The following NUFIP1 variants were observed in gnomAD, a reference collection of about 807,000 sequenced individuals.
NUFIP1 encodes the protein nuclear FMR1 interacting protein 1.
A neutral mutation model predicts 56.2 loss-of-function variants in NUFIP1; 38 were observed. That is an observed-to-expected ratio of 0.68 (90% CI 0.52 to 0.89). NUFIP1 has a LOEUF of 0.89. Among genes scored for constraint, NUFIP1 ranks in the 40% least tolerant of loss-of-function variants. The pLI is 0.00. For synonymous variants in NUFIP1, 215 were observed against 212.4 expected (o/e 1.01, Z -0.10); for missense variants, 567 against 605.8 (o/e 0.94, Z 0.67).
intron 5 of NUFIP1, among the ~76,000 whole-genome samples, chr13:44,968,801 C>CT (rs1396738156): frequency 6.6e-6 from 1 of 152,102 alleles, no homozygotes; most frequent in African/African-American, 2.4e-5. Context: ...GTACTACGTA[C>CT]CAGAGAGCAG....
chr13:44,979,936 C>G lies in NUFIP1; in HGVS notation c.611G>C (p.Cys204Ser), dbSNP rs1471114301. ...SEHTKCPELD[C>S]SFTAHEKIVQ... ...AATCTTCTCGTGTGCAGTAAAAGAG[C>G]AATCTAATTCAGGGCACTATGAGTT... The change falls in exon 4 of 10, where the codon TGC becomes TCC. Residue 204 changes from cysteine to serine, a missense_variant. Coordinates refer to ENST00000379161, the MANE Select transcript of NUFIP1 (RefSeq NM_012345.3). The G allele has an allele frequency of 6.3e-7, 1 of 1,599,792 alleles. No individual in the cohort carries two copies. Among genetic ancestry groups the G allele is most frequent in the South Asian group, 1.1e-5 (1 of 87,090 alleles).
chr13:44,986,535 C>T (rs1253409116), intron 1 of NUFIP1, among the ~76,000 whole-genome samples: 1 of 151,676 alleles, frequency 6.6e-6, no homozygotes, highest in African/African-American at 2.4e-5. Context: ...ACTAAAAATA[C>T]AAAAAAATCA....
chr13:44,958,875 T>C (rs1402347616), intron 7 of NUFIP1, among the ~76,000 whole-genome samples: 4 of 152,234 alleles, frequency 2.6e-5, no homozygotes, highest in African/African-American at 9.7e-5. Flanking sequence ...TTGCCCTATA[T>C]GTTTTAGAGG....
At chr13:44,964,211 C>A (rs1456145870) in intron 6 of NUFIP1, among the ~76,000 whole-genome samples, 1 of 152,040 alleles carries the variant, frequency 6.6e-6, no homozygotes, top group Non-Finnish European at 1.5e-5. Context: ...ACACACAGCA[C>A]TGACCATAAA....
At chr13:44,947,170 C>G (rs371864541) in intron 8 of NUFIP1, among the ~76,000 whole-genome samples, 2 of 150,722 alleles carry the variant, frequency 1.3e-5, no homozygotes, top group African/African-American at 4.9e-5. Context: ...TTGGCTTCTT[C>G]GGACTTTTAA....
chr13:44,942,923 G>C (rs149855583), intron 9 of NUFIP1, among the ~76,000 whole-genome samples: 4 of 146,500 alleles, frequency 2.7e-5, no homozygotes, highest in Non-Finnish European at 5.9e-5. Context: ...CTATGATCAC[G>C]CCACTACACT....
chr13:44,981,921 T>TCATGTTTAATATAAAACATAAAA, intron 2 of NUFIP1, 151 bp downstream of exon 2: 1 of 379,576 alleles, frequency 2.6e-6, no homozygotes, highest in Non-Finnish European at 4.8e-6. Flanking sequence ...TTTGCTATAT[T>TCATGTTTAATATAAAACATAAAA]CATGTTTAAC....
intron 7 of NUFIP1, among the ~76,000 whole-genome samples, chr13:44,956,141 CAAAAAAA>C (rs371458350): frequency 6.5e-5 from 4 of 61,484 alleles, no homozygotes; most frequent in South Asian, 5.6e-4. Context: ...GACTCCGTCT[CAAAAAAA>C]AAAAAAAAAA....
Position 44,959,475 on chromosome 13 carries a change from G to C in NUFIP1, c.927C>G (p.Val309=). ...CACACAAGTGACTGCCTGATCCAGT[G>C]ACTGCTCTCTGTCTAGAATTGTCGT... ...WKNDNSRQRA[V]TGSGSHLCDL... is the part of the protein sequence containing the mutation. The change falls in exon 7 of 10, where the codon GTC becomes GTG. Residue 309 remains valine, a synonymous_variant. Coordinates refer to ENST00000379161, the MANE Select transcript of NUFIP1 (RefSeq NM_012345.3). The C allele has an allele frequency of 1.9e-6, 3 of 1,614,068 alleles. No homozygotes were observed. Among genetic ancestry groups the C allele is most frequent in the Non-Finnish European group, 2.5e-6 (3 of 1,179,966 alleles).
At chr13:44,964,612 A>G (rs1338381700) in intron 6 of NUFIP1, among the ~76,000 whole-genome samples, 1 of 152,176 alleles carries the variant, frequency 6.6e-6, no homozygotes, top group Non-Finnish European at 1.5e-5. Flanking sequence ...AGAGGAAAAA[A>G]CTACAGAAAG....
intron 7 of NUFIP1, among the ~76,000 whole-genome samples, chr13:44,952,341 T>C (rs1871110724): frequency 6.6e-6 from 1 of 152,180 alleles, no homozygotes; most frequent in Admixed American, 6.5e-5. Flanking sequence ...GCCAGGCTGG[T>C]CTCGAACTCC....
chr13:44,949,104 A>G (rs1870992709), intron 8 of NUFIP1, among the ~76,000 whole-genome samples: 1 of 152,218 alleles, frequency 6.6e-6, no homozygotes, highest in Non-Finnish European at 1.5e-5. Context: ...AGCAGAGAGA[A>G]AAAAATGAAT....
chr13:44,943,374 A>ACACC (rs1870809869), intron 9 of NUFIP1, 68 bp downstream of exon 9: 8 of 1,308,640 alleles, frequency 6.1e-6, no homozygotes, highest in Non-Finnish European at 8.7e-6. Flanking sequence ...ACACACACAC[A>ACACC]CACCCCAGTG....
intron 1 of NUFIP1, 118 bp from the exon 2 acceptor site, chr13:44,982,272 T>C (rs1872221709): frequency 2.4e-6 from 1 of 424,920 alleles, no homozygotes; most frequent in African/African-American, 2.0e-5. Flanking sequence ...AAACTACCCT[T>C]CTAGGAAGAA....
At chr13:44,984,700 C>T (rs1271927280) in intron 1 of NUFIP1, among the ~76,000 whole-genome samples, 1 of 151,842 alleles carries the variant, frequency 6.6e-6, no homozygotes, top group African/African-American at 2.4e-5. Flanking sequence ...CAGTTTAATG[C>T]AGAATTGAAT....
At chr13:44,965,361 T>C (rs1225016365) in intron 6 of NUFIP1, among the ~76,000 whole-genome samples, 2 of 152,222 alleles carry the variant, frequency 1.3e-5, no homozygotes, top group Non-Finnish European at 1.5e-5. Flanking sequence ...GAAAATGGAC[T>C]AATACAGCAC....
At chr13:44,962,453 A>C (rs565171502) in intron 6 of NUFIP1, among the ~76,000 whole-genome samples, 2 of 152,340 alleles carry the variant, frequency 1.3e-5, no homozygotes, top group South Asian at 4.1e-4. Flanking sequence ...GAGCTTTCTT[A>C]GTTGCTGTTC....
rs986840566 is a variant in NUFIP1 at position 44,979,396 on chromosome 13, T to C, written c.658-130A>G. The C allele has an allele frequency of 2.0e-5, 13 of 646,246 alleles. No individual in the cohort carries two copies. In the African/African-American group the frequency reaches 2.4e-4, roughly 12 times the overall value. 40.0% of individuals were successfully genotyped at this position (646,246 alleles called of 1,614,324 possible). A position where few individuals can be genotyped will look rare whatever the true frequency, so the allele number is the denominator to read the frequency against. On this transcript the variant is annotated intron_variant, in intron 4 of 9. Transcript: ENST00000379161. ...AAACCAAGTAAGCAGGTTGTATCTA[T>C]TTGTGTTATAACTTTTCCTTTAAAG...
At chr13:44,981,027 G>C (rs576775962) in intron 2 of NUFIP1, among the ~76,000 whole-genome samples, 1 of 152,174 alleles carries the variant, frequency 6.6e-6, no homozygotes, top group East Asian at 1.9e-4. Context: ...GTGAAACCCA[G>C]GCATAATTTT....
Sources: gnomAD v4.1 joint callset for allele counts (sites outside exome capture counted in the v4.1 genomes callset) on GRCh38, gnomAD v4.1.1 for gene constraint, MANE v1.5 for transcripts, NCBI Gene and HGNC (gene_info 2026-07-23, HGNC 2026-07-21) for gene names.